NRCAM: variants seen among roughly 807,000 people sequenced by gnomAD.
NRCAM encodes the protein NgCAM-related cell adhesion molecule.
NRCAM carries 83 observed loss-of-function variants against 156.5 expected under a neutral mutation model. The ratio of observed to expected loss-of-function variants is 0.53; its 90% CI spans 0.44 to 0.64. NRCAM has a LOEUF of 0.64. Among genes scored for constraint, NRCAM ranks in the 30% least tolerant of loss-of-function variants. NRCAM has a pLI of 0.00. For missense variants in NRCAM, 1,417 were observed against 1,597.3 expected, an observed-to-expected ratio of 0.89 and a Z score of 1.92; for synonymous variants, 538 against 563.9, an observed-to-expected ratio of 0.95 and a Z score of 0.65.
chr7:108,316,670 A>T (rs959379782), intron 2 of NRCAM, among the ~76,000 whole-genome samples: 1 of 152,028 alleles, frequency 6.6e-6, no homozygotes, highest in Non-Finnish European at 1.5e-5. Context: ...CTGTAGTCCC[A>T]GCTACTCAGG....
At chr7:108,291,031 T>C (rs1160296446) in intron 3 of NRCAM, among the ~76,000 whole-genome samples, 1 of 152,120 alleles carries the variant, frequency 6.6e-6, no homozygotes, top group African/African-American at 2.4e-5. Context: ...ACAAAACCAC[T>C]TGGGATTAGT....
At position 108,399,451 on chromosome 7, in the gene NRCAM, T is replaced by C. The variant is rs919362865; in HGVS notation, c.-189A>G. ...TCACTCTCACCTTCAGAAGGTCCACTGGGCTAGACACCTCCCAAATGTTTT... is the reference window on the plus strand; with the variant it reads ...TCACTCTCACCTTCAGAAGGTCCACCGGGCTAGACACCTCCCAAATGTTTT... On this transcript the variant is annotated 5_prime_UTR_variant, in exon 2 of 33. Coordinates refer to ENST00000379028, the MANE Select transcript of NRCAM (RefSeq NM_001037132.4). 6.6e-6 allele frequency: 1 copy of C among 152,190 alleles called. No individual in the cohort carries two copies. Among genetic ancestry groups the C allele is most frequent in the African/African-American group, 2.4e-5 (1 of 41,460 alleles). 9.4% of individuals were successfully genotyped at this position (152,190 alleles called of 1,614,324 possible).
intron 3 of NRCAM, among the ~76,000 whole-genome samples, chr7:108,272,955 T>G (rs1468138419): frequency 1.3e-5 from 2 of 152,156 alleles, no homozygotes; most frequent in African/African-American, 4.8e-5. Flanking sequence ...TGTCCATGTG[T>G]TCTCATTGTT....
At chr7:108,356,648 T>C (rs2099501258) in intron 2 of NRCAM, among the ~76,000 whole-genome samples, 1 of 152,202 alleles carries the variant, frequency 6.6e-6, no homozygotes, top group Non-Finnish European at 1.5e-5. Flanking sequence ...AATACAGCTA[T>C]GTAGACCAAA....
Position 108,178,268 on chromosome 7 carries a change from C to A in NRCAM, c.2852-156G>T, listed in dbSNP as rs542747019. Reference sequence around the variant, plus strand: ...TACATTAGTACAAACCTGTGACAGGCACCCATTTAGTTATTCTCTTCCTTT... The same window carrying A: ...TACATTAGTACAAACCTGTGACAGGAACCCATTTAGTTATTCTCTTCCTTT... On this transcript the variant is annotated intron_variant, in intron 25 of 32. Transcript: ENST00000379028. The A allele has an allele frequency of 1.1e-5, 7 of 631,580 alleles. 1 individual carries two copies. The highest frequency in any genetic ancestry group is 5.5e-5 in the African/African-American group (3 of 54,618). 39.1% of individuals were successfully genotyped at this position (631,580 alleles called of 1,614,324 possible). A position where few individuals can be genotyped will look rare whatever the true frequency, so the allele number is the denominator to read the frequency against.
intron 13 of NRCAM, among the ~76,000 whole-genome samples, chr7:108,204,391 G>C (rs973211551): frequency 3.9e-5 from 6 of 152,214 alleles, no homozygotes; most frequent in African/African-American, 1.4e-4. Context: ...AAGGCCAGGG[G>C]CAGGGCACAG....
At chr7:108,348,565 T>A (rs887705609) in intron 2 of NRCAM, among the ~76,000 whole-genome samples, 1 of 151,990 alleles carries the variant, frequency 6.6e-6, no homozygotes, top group African/African-American at 2.4e-5. Context: ...TACTAGGGTA[T>A]TAAATGAGGG....
At chr7:108,450,335 T>C (rs1274745805) in intron 1 of NRCAM, among the ~76,000 whole-genome samples, 2 of 152,156 alleles carry the variant, frequency 1.3e-5, no homozygotes, top group African/African-American at 2.4e-5. Flanking sequence ...AATTACCTTT[T>C]TCTAATTTGA....
intron 8 of NRCAM, among the ~76,000 whole-genome samples, chr7:108,229,844 G>T (rs2094067786): frequency 6.6e-6 from 1 of 152,156 alleles, no homozygotes; most frequent in African/African-American, 2.4e-5. Flanking sequence ...TTGGAAGGTG[G>T]AAGAGGCAGA....
At chr7:108,392,199 T>C (rs999815136) in intron 2 of NRCAM, among the ~76,000 whole-genome samples, 3 of 152,206 alleles carry the variant, frequency 2.0e-5, no homozygotes, top group Admixed American at 2.0e-4. Flanking sequence ...TCCTCGTCAC[T>C]TTCAGGTATA....
At chr7:108,175,036 CA>C (rs2059950084) in intron 28 of NRCAM, among the ~76,000 whole-genome samples, 1 of 152,282 alleles carries the variant, frequency 6.6e-6, no homozygotes, top group Admixed American at 6.5e-5. Context: ...GACAAATACA[CA>C]GTTTTGGTCC....
rs148153963 is a variant in NRCAM, at chr7:108,360,760, C to A, written c.-174+38676G>T. Among the ~76,000 whole-genome samples the A allele has an allele frequency of 1.1e-3, 172 of 152,162 alleles. 1 individual carries two copies. Among genetic ancestry groups the A allele is most frequent in the African/African-American group, 3.4e-3 (142 of 41,506 alleles). ...AATGAAGAAAGAATAGTTTTTTCAA[C>A]AAATGGTGTTGGGATAAGTGGAAAC... On this transcript the variant is annotated intron_variant, in intron 2 of 32. Transcript: ENST00000379028.
At chr7:108,207,462 T>C (rs1252051516) in intron 13 of NRCAM, 66 bp downstream of exon 13, 3 of 1,494,940 alleles carry the variant, frequency 2.0e-6, no homozygotes, top group Non-Finnish European at 2.7e-6. Context: ...TCACCATTTA[T>C]TCACTGTCGG....
At chr7:108,207,259 G>A (rs1351719586) in intron 13 of NRCAM, 4 of 280,876 alleles carry the variant, frequency 1.4e-5, no homozygotes, top group Non-Finnish European at 2.7e-5. Flanking sequence ...TTCTGACCCT[G>A]TCATTCTTCC....
At chr7:108,168,249 A>T (rs981029729) in intron 29 of NRCAM, 28 bp downstream of exon 29, 19 of 1,480,460 alleles carry the variant, frequency 1.3e-5, no homozygotes, top group Non-Finnish European at 1.5e-5. Flanking sequence ...CCCCAAATTA[A>T]AAATCGGGTA....
intron 1 of NRCAM, among the ~76,000 whole-genome samples, chr7:108,421,183 G>A (rs1809177858): frequency 6.6e-6 from 1 of 152,092 alleles, no homozygotes. Flanking sequence ...ATATGTGTGT[G>A]TATAAAACGT....
At chr7:108,414,479 T>C (rs1799078435) in intron 1 of NRCAM, among the ~76,000 whole-genome samples, 1 of 152,078 alleles carries the variant, frequency 6.6e-6, no homozygotes, top group Non-Finnish European at 1.5e-5. Flanking sequence ...CCACTCTACA[T>C]TAGACTAGCC....
At chr7:108,281,879 T>C (rs2097873499) in intron 3 of NRCAM, among the ~76,000 whole-genome samples, 1 of 152,234 alleles carries the variant, frequency 6.6e-6, no homozygotes, top group Non-Finnish European at 1.5e-5. Flanking sequence ...GTTTGGAAGA[T>C]TTTTGATTAA....
Position 108,232,511 on chromosome 7 carries a change from G to A in NRCAM, c.242C>T (p.Thr81Ile), listed in dbSNP as rs778028728. 2.5e-6 allele frequency: 4 copies of A among 1,609,440 alleles called. No homozygotes were observed. The Admixed American group carries it at 6.8e-5, about 27-fold the overall frequency. ...KGKPPPSFSW[T>I]RNGTHFDIDK... ...GATGTCAAAATGAGTCCCATTACGG[G>A]TCCAGGAAAAGCTGCCCAACACACG... The change falls in exon 7 of 33, where the codon ACC becomes ATC. Residue 81 changes from threonine (T) to isoleucine (I), a missense_variant. Physicochemically the swap from Thr to Ile is moderately conservative, Grantham distance 89. Around this residue, in one of 2 missense-constraint regions of NRCAM, gnomAD observed 1,238 missense variants for 1,336.4 expected, o/e 0.93. Coordinates refer to ENST00000379028, the MANE Select transcript of NRCAM (RefSeq NM_001037132.4).
Sources: allele counts gnomAD v4.1 joint callset (sites outside exome capture counted in the v4.1 genomes callset), GRCh38; gene constraint gnomAD v4.1.1; regional missense constraint gnomAD v4.1.1; transcripts MANE v1.5; gene names NCBI Gene and HGNC (gene_info 2026-07-23, HGNC 2026-07-21).